Variants in RNF38 observed in about 807,000 individuals in gnomAD.
RNF38 encodes ring finger protein 38.
Under a neutral mutation model 67.2 loss-of-function variants are expected in RNF38, and 15 were observed. That is an observed-to-expected ratio of 0.22 (90% CI 0.15 to 0.34). RNF38 has a LOEUF of 0.34. Among genes scored for constraint, RNF38 ranks in the 10% least tolerant of loss-of-function variants. The pLI is 1.00. For missense variants in RNF38, 524 were observed against 639.9 expected (o/e 0.82, Z 1.95); for synonymous variants, 220 against 218.8 (o/e 1.01, Z -0.05).
At chr9:36,468,320 G>A (rs762921945) in intron 1 of RNF38, among the ~76,000 whole-genome samples, 27 of 151,350 alleles carry the variant, frequency 1.8e-4, no homozygotes, top group Non-Finnish European at 3.7e-4. Context: ...TTACCAGAAC[G>A]CAGAATCCAG....
At chr9:36,372,516 T>G (rs754779114) in intron 3 of RNF38, 1 of 714,854 alleles carries the variant, frequency 1.4e-6, no homozygotes, top group South Asian at 1.5e-5. Flanking sequence ...GAAATCCTGC[T>G]AGATTATTGT....
intron 2 of RNF38, among the ~76,000 whole-genome samples, chr9:36,386,896 G>A (rs777884178): frequency 7.9e-5 from 12 of 152,176 alleles, no homozygotes; most frequent in Non-Finnish European, 1.6e-4. Context: ...TCTGCCTCCC[G>A]GATTCAAGCG....
chr9:36,349,292 A>G (rs1833523675), intron 9 of RNF38, among the ~76,000 whole-genome samples: 1 of 152,214 alleles, frequency 6.6e-6, no homozygotes, highest in African/African-American at 2.4e-5. Flanking sequence ...ATTCTTGCCA[A>G]TACTTACTGA....
chr9:36,372,049 G>A (rs547649207), intron 3 of RNF38, among the ~76,000 whole-genome samples: 1 of 151,592 alleles, frequency 6.6e-6, no homozygotes, highest in African/African-American at 2.4e-5. Flanking sequence ...TCCTGCCTCA[G>A]CCTCCCGAGT....
chr9:36,345,883 G>A (rs1358895020), intron 9 of RNF38, among the ~76,000 whole-genome samples: 3 of 152,112 alleles, frequency 2.0e-5, no homozygotes, highest in Admixed American at 6.6e-5. Context: ...TCCCATCCCT[G>A]ACCCACTGGG....
At chr9:36,380,014 G>A (rs1181215740) in intron 2 of RNF38, among the ~76,000 whole-genome samples, 1 of 152,108 alleles carries the variant, frequency 6.6e-6, no homozygotes, top group Non-Finnish European at 1.5e-5. Context: ...GATGCAAAGT[G>A]TTTACTAGTT....
chr9:36,368,381 C>CGGGGTG (rs938619002), intron 4 of RNF38, among the ~76,000 whole-genome samples: 2 of 152,110 alleles, frequency 1.3e-5, no homozygotes, highest in African/African-American at 4.8e-5. Context: ...CACTAACCAC[C>CGGGGTG]ACCCCTCCTT....
intron 1 of RNF38, among the ~76,000 whole-genome samples, chr9:36,446,388 T>C (rs143961107): frequency 8.5e-5 from 13 of 152,350 alleles, no homozygotes; most frequent in East Asian, 7.7e-4. Flanking sequence ...TTACATGAAA[T>C]GCTTTTTTCT....
intron 1 of RNF38, among the ~76,000 whole-genome samples, chr9:36,479,858 G>C (rs1840207593): frequency 6.6e-6 from 1 of 152,164 alleles, no homozygotes; most frequent in African/African-American, 2.4e-5. Context: ...CTAGCACTTA[G>C]GGAAGTCAAG....
intron 5 of RNF38, among the ~76,000 whole-genome samples, chr9:36,356,756 C>CG (rs970160305): frequency 1.9e-3 from 179 of 94,140 alleles, no homozygotes; most frequent in Non-Finnish European, 2.0e-3. Context: ...GTGGGGGGGG[C>CG]GGGGGGGAAG....
intron 1 of RNF38, among the ~76,000 whole-genome samples, chr9:36,471,499 T>C (rs1241974610): frequency 6.6e-6 from 1 of 152,202 alleles, no homozygotes; most frequent in Non-Finnish European, 1.5e-5. Flanking sequence ...TTTTTTAAAC[T>C]TCTCCAACAC....
intron 8 of RNF38, among the ~76,000 whole-genome samples, 175 bp from the exon 9 acceptor site, chr9:36,351,374 A>G (rs555531168): frequency 2.6e-5 from 4 of 152,378 alleles, no homozygotes; most frequent in Admixed American, 2.0e-4. Flanking sequence ...GATTGCTAGG[A>G]TAACTTAAAG....
intron 1 of RNF38, among the ~76,000 whole-genome samples, chr9:36,469,703 C>T (rs1056149385): frequency 2.6e-5 from 4 of 151,970 alleles, no homozygotes; most frequent in African/African-American, 4.8e-5. Flanking sequence ...AAGCCTGGTG[C>T]GGTGGCTCAC....
intron 2 of RNF38, among the ~76,000 whole-genome samples, chr9:36,408,300 C>T (rs1838233604): frequency 1.5e-5 from 2 of 137,924 alleles, no homozygotes; most frequent in Non-Finnish European, 1.5e-5. Context: ...GACTAGGTTT[C>T]ACCATGTTGC....
At chr9:36,477,114 G>A (rs1285969228) in intron 1 of RNF38, among the ~76,000 whole-genome samples, 2 of 151,724 alleles carry the variant, frequency 1.3e-5, no homozygotes, top group Admixed American at 1.3e-4. Context: ...ACAAGGTCAG[G>A]AGTTCAAGAC....
At chr9:36,415,422 G>GTT (rs200398811) in intron 2 of RNF38, among the ~76,000 whole-genome samples, 1 of 151,212 alleles carries the variant, frequency 6.6e-6, no homozygotes, top group African/African-American at 2.4e-5. Context: ...TCCGTATCTT[G>GTT]TTTTTTTTGT....
intron 1 of RNF38, among the ~76,000 whole-genome samples, chr9:36,461,736 A>G (rs1839737726): frequency 6.6e-6 from 1 of 152,186 alleles, no homozygotes; most frequent in African/African-American, 2.4e-5. Flanking sequence ...AGTGGTGTGT[A>G]AGAAAAACAA....
intron 4 of RNF38, among the ~76,000 whole-genome samples, chr9:36,365,828 G>T (rs1834910709): frequency 6.6e-6 from 1 of 151,678 alleles, no homozygotes; most frequent in South Asian, 2.1e-4. Context: ...ACCATGCCCA[G>T]CTAATTTTTG....
chr9:36,486,500 G>A (rs1404019591), intron 1 of RNF38, among the ~76,000 whole-genome samples: 1 of 152,150 alleles, frequency 6.6e-6, no homozygotes, highest in South Asian at 2.1e-4. Flanking sequence ...TCTGGTTTCG[G>A]CATGAACGAA....
Sources: gnomAD v4.1 joint callset for allele counts (sites outside exome capture counted in the v4.1 genomes callset) on GRCh38, gnomAD v4.1.1 for gene constraint, MANE v1.5 for transcripts, NCBI Gene and HGNC (gene_info 2026-07-23, HGNC 2026-07-21) for gene names.